Variants in RAD1 observed in about 807,000 individuals in gnomAD.
RAD1 encodes the protein RAD1 checkpoint DNA exonuclease.
In RAD1, 21 loss-of-function variants were observed where a neutral mutation model predicts 30.0. That is an observed-to-expected ratio of 0.70 (90% confidence interval 0.50 to 1.01). RAD1 has a LOEUF of 1.01. Ranked by LOEUF, RAD1 falls within the 50% of genes least tolerant of loss-of-function variation. The pLI is 0.00. For synonymous variants in RAD1, 109 were observed against 113.6 expected (o/e 0.96, Z 0.26); for missense variants, 329 against 329.0 (o/e 1.00, Z 0.00).
chr5:34,907,048 T>C lies in RAD1; in HGVS notation c.*1717A>G, dbSNP rs542099561. The C allele has an allele frequency of 6.6e-6, 1 of 152,210 alleles. No homozygotes were observed. The highest frequency in any genetic ancestry group is 1.5e-5 in the Non-Finnish European group (1 of 68,040). The allele number at this position is 152,210 out of a possible 1,614,324, so 9.4% of individuals were successfully genotyped here. The stretch of plus-strand genomic sequence containing the variant: ...ATTTTGTATGCTGAGATTGAGACAC[T>C]TACTAGTTATCAGGTGCTGACCCTG... On this transcript the variant is annotated 3_prime_UTR_variant, in exon 6 of 6. Coordinates refer to ENST00000382038, the MANE Select transcript of RAD1 (RefSeq NM_002853.4).
intron 4 of RAD1, among the ~76,000 whole-genome samples, chr5:34,911,247 T>C (rs1763829875): frequency 6.6e-6 from 1 of 152,122 alleles, no homozygotes; most frequent in African/African-American, 2.4e-5. Flanking sequence ...TTAAACCCAA[T>C]TTTCCTCATG....
In RAD1 at chr5:34,908,424, C is replaced by G. The variant is rs772498546; in HGVS notation, c.*341G>C. 1 of 161,466 alleles carries G rather than the reference C, an allele frequency of 6.2e-6. No homozygotes were observed. Among genetic ancestry groups the G allele is most frequent in the African/African-American group, 2.4e-5 (1 of 41,874 alleles). 10.0% of individuals were successfully genotyped at this position (161,466 alleles called of 1,614,324 possible). ...TCCTGACCTCAGGTGATCCGCCCAC[C>G]TCGGCTTCCCAAAGTGCTGGGATTA... is the stretch of plus-strand genomic sequence containing the variant. On this transcript the variant is annotated 3_prime_UTR_variant, in exon 6 of 6. Coordinates refer to ENST00000382038, the MANE Select transcript of RAD1 (RefSeq NM_002853.4).
At chr5:34,913,433 A>C in intron 3 of RAD1, 37 bp downstream of exon 3, 3 of 1,275,436 alleles carry the variant, frequency 2.4e-6, no homozygotes, top group Middle Eastern at 2.2e-4. Flanking sequence ...ACCACTATGT[A>C]TAACACTTTT....
intron 1 of RAD1, 108 bp downstream of exon 1, chr5:34,915,308 G>C: frequency 3.7e-6 from 1 of 273,424 alleles, no homozygotes; most frequent in Non-Finnish European, 7.0e-6. Context: ...GGGCGGGCCC[G>C]GAGTGTCCAG....
chr5:34,913,513 G>A lies in RAD1; in HGVS notation c.264C>T (p.Val88=). The A allele has an allele frequency of 6.2e-7, 1 of 1,603,632 alleles. No homozygotes were observed. Among genetic ancestry groups the A allele is most frequent in the Non-Finnish European group, 8.5e-7 (1 of 1,173,572 alleles). ...CAAAAATAGATAAACAGTCTAAAAG[G>A]ACAGTTAAATTAATTCGAAAAGTAA... is the stretch of plus-strand genomic sequence containing the variant. The part of the protein sequence containing the change: ...ESVTFRINLT[V]LLDCLSIFGS... Residue 88 remains valine, a synonymous_variant, in exon 3 of 6, where the codon GTC becomes GTT. Transcript: ENST00000382038.
Position 34,911,196 on chromosome 5 carries a change from C to T in RAD1, c.566+358G>A, listed in dbSNP as rs1763827819. ...CATCTTCTTCTGCATCCTGAACTAACTTGAAAAAGATACCATAATACAAAC... is the reference window on the plus strand; with the variant it reads ...CATCTTCTTCTGCATCCTGAACTAATTTGAAAAAGATACCATAATACAAAC... On this transcript the variant is annotated intron_variant, in intron 4 of 5. Coordinates refer to ENST00000382038, the MANE Select transcript of RAD1 (RefSeq NM_002853.4). 2.0e-5 allele frequency among the ~76,000 whole-genome samples: 3 copies of T among 152,330 alleles called. No individual in the cohort carries two copies. The South Asian group carries it at 6.2e-4, about 32-fold the overall frequency.
At position 34,915,470 on chromosome 5, in the gene RAD1, G is replaced by A. The variant is rs529235124; in HGVS notation, c.-124C>T. The A allele has an allele frequency of 6.8e-5, 27 of 395,544 alleles. No individual in the cohort carries two copies. The East Asian group carries it at 1.2e-3, about 18-fold the overall frequency. The allele number at this position is 395,544 out of a possible 1,614,324, so 24.5% of individuals were successfully genotyped here. Reference sequence around the variant, plus strand: ...CCCTTCTCAGCAAAGTCCCTGAAGAGGAGCGAGGCGGCTCCGAGGAACCGC... The same window carrying A: ...CCCTTCTCAGCAAAGTCCCTGAAGAAGAGCGAGGCGGCTCCGAGGAACCGC... On this transcript the variant is annotated 5_prime_UTR_variant, in exon 1 of 6. Coordinates refer to ENST00000382038, the MANE Select transcript of RAD1 (RefSeq NM_002853.4).
Position 34,907,455 on chromosome 5 carries a change from A to G in RAD1, c.*1310T>C, listed in dbSNP as rs757324921. The G allele has an allele frequency of 6.6e-6, 1 of 152,230 alleles. No homozygotes were observed. The highest frequency in any genetic ancestry group is 6.5e-5 in the Admixed American group (1 of 15,282). 9.4% of individuals were successfully genotyped at this position (152,230 alleles called of 1,614,324 possible). A position where few individuals can be genotyped will look rare whatever the true frequency, so the allele number is the denominator to read the frequency against. ...ACACTCAGCTGTTGTCACCTGGTAC[A>G]GTAACAAAGACAGAAGCTTCACTTT... On this transcript the variant is annotated 3_prime_UTR_variant, in exon 6 of 6. Coordinates refer to ENST00000382038, the MANE Select transcript of RAD1 (RefSeq NM_002853.4).
Position 34,914,838 on chromosome 5 carries a change from C to A in RAD1, c.55G>T (p.Ala19Ser), listed in dbSNP as rs373008790. 5.6e-6 allele frequency: 9 copies of A among 1,614,028 alleles called. No homozygotes were observed. The African/African-American group carries it at 1.2e-4, about 22-fold the overall frequency. ...QDEDDQYSLV[A>S]SLDNVRNLST... is the part of the protein sequence containing the mutation. ...AGATTCCTAACGTTGTCAAGGCTGG[C>A]CACAAGGCTGTACTGATCATCCTCG... is the stretch of plus-strand genomic sequence containing the variant. The change falls in exon 2 of 6, where the codon GCC becomes TCC. Residue 19 changes from alanine to serine, a missense_variant. Transcript: ENST00000382038.
At position 34,909,345 on chromosome 5, in the gene RAD1, AAAG is replaced by A; in HGVS notation, c.575_577del (p.Thr192_Phe193delinsIle). ...AAGGTGGGAACTTCCTGCATTTCCA[AAAG>A]TAGATAACCTATAGAAAATGATTAC... On this transcript the variant is annotated inframe_deletion, in exon 5 of 6. Coordinates refer to ENST00000382038, the MANE Select transcript of RAD1 (RefSeq NM_002853.4). 1 of 1,598,914 alleles carries A rather than the reference AAAG, an allele frequency of 6.3e-7. No homozygotes were observed. Among genetic ancestry groups the A allele is most frequent in the Non-Finnish European group, 8.6e-7 (1 of 1,166,588 alleles).
chr5:34,913,504 G>A lies in RAD1; in HGVS notation c.273C>T (p.Asp91=). 2.5e-6 allele frequency: 4 copies of A among 1,600,472 alleles called. No homozygotes were observed. Among genetic ancestry groups the A allele is most frequent in the Non-Finnish European group, 3.4e-6 (4 of 1,171,014 alleles). Residue 91 remains aspartate (D), a synonymous_variant, in exon 3 of 6, where the codon GAC becomes GAT. Coordinates refer to ENST00000382038, the MANE Select transcript of RAD1 (RefSeq NM_002853.4). Reference sequence around the variant, plus strand: ...GACTTGATCCAAAAATAGATAAACAGTCTAAAAGGACAGTTAAATTAATTC... The same window carrying A: ...GACTTGATCCAAAAATAGATAAACAATCTAAAAGGACAGTTAAATTAATTC... ...TFRINLTVLL[D]CLSIFGSSPM...
chr5:34,914,099 A>G, intron 2 of RAD1: 2 of 422,438 alleles, frequency 4.7e-6, no homozygotes, highest in Non-Finnish European at 9.8e-6. Context: ...TACGTGTTAA[A>G]AAACGCTTAG....
rs1472555267 is a variant in RAD1, at chr5:34,905,971, TTGAG to T, written c.*2790_*2793del. 6.6e-6 allele frequency: 1 copy of T among 152,172 alleles called. No individual in the cohort carries two copies. The highest frequency in any genetic ancestry group is 1.5e-5 in the Non-Finnish European group (1 of 68,028). The allele number at this position is 152,172 out of a possible 1,614,324, so 9.4% of individuals were successfully genotyped here. A position where few individuals can be genotyped will look rare whatever the true frequency, so the allele number is the denominator to read the frequency against. On this transcript the variant is annotated 3_prime_UTR_variant, in exon 6 of 6. Transcript: ENST00000382038. ...ATTTTTATTTTAATTTTTTTTGTTT[TTGAG>T]ACGGAGTCTTGCTCTGTCACCCAGG... is the stretch of plus-strand genomic sequence containing the variant.
rs1764032745 is a variant in RAD1, at chr5:34,915,448, T to C, written c.-102A>G. On this transcript the variant is annotated 5_prime_UTR_variant, in exon 1 of 6. Coordinates refer to ENST00000382038, the MANE Select transcript of RAD1 (RefSeq NM_002853.4). Reference sequence around the variant, plus strand: ...GTGGGGTCTGGACGCCCGAGAGCCCTTCTCAGCAAAGTCCCTGAAGAGGAG... The same window carrying C: ...GTGGGGTCTGGACGCCCGAGAGCCCCTCTCAGCAAAGTCCCTGAAGAGGAG... 2.9e-6 allele frequency: 1 copy of C among 339,516 alleles called. No homozygotes were observed. The highest frequency in any genetic ancestry group is 2.1e-5 in the African/African-American group (1 of 47,138). The allele number at this position is 339,516 out of a possible 1,614,324, so 21.0% of individuals were successfully genotyped here.
At position 34,907,891 on chromosome 5, in the gene RAD1, A is replaced by G. The variant is rs76523062; in HGVS notation, c.*874T>C. ...ATTAAATGCTATTAAAGAAAAAAAA[A>G]GTTTCCTTTAAAACAGTGGTTCCCA... On this transcript the variant is annotated 3_prime_UTR_variant, in exon 6 of 6. Coordinates refer to ENST00000382038, the MANE Select transcript of RAD1 (RefSeq NM_002853.4). 6.6e-6 allele frequency: 1 copy of G among 152,210 alleles called. No individual in the cohort carries two copies. The highest frequency in any genetic ancestry group is 1.9e-4 in the East Asian group (1 of 5,200). The allele number at this position is 152,210 out of a possible 1,614,324, so 9.4% of individuals were successfully genotyped here. A position where few individuals can be genotyped will look rare whatever the true frequency, so the allele number is the denominator to read the frequency against.
intron 4 of RAD1, among the ~76,000 whole-genome samples, chr5:34,910,704 A>C (rs2111938125): frequency 6.6e-6 from 1 of 152,356 alleles, no homozygotes; most frequent in South Asian, 2.1e-4. Context: ...CTGGGATTAC[A>C]GGTGTCTGCC....
intron 4 of RAD1, 83 bp downstream of exon 4, chr5:34,911,471 A>C (rs1265417387): frequency 6.7e-7 from 1 of 1,499,124 alleles, no homozygotes; most frequent in East Asian, 2.3e-5. Flanking sequence ...GTGGATAATA[A>C]AAATTTTGCA....
chr5:34,910,908 A>C (rs1207020348), intron 4 of RAD1, among the ~76,000 whole-genome samples: 1 of 152,246 alleles, frequency 6.6e-6, no homozygotes, highest in Non-Finnish European at 1.5e-5. Flanking sequence ...TAAACTATCA[A>C]GAACAGCTTT....
intron 2 of RAD1, 118 bp from the exon 3 acceptor site, chr5:34,913,696 T>G (rs1763925260): frequency 1.6e-6 from 1 of 636,412 alleles, no homozygotes. Flanking sequence ...CCCATGAGAA[T>G]AATTTCTGAT....
Sources: gnomAD v4.1 joint callset for allele counts (sites outside exome capture counted in the v4.1 genomes callset) on GRCh38, gnomAD v4.1.1 for gene constraint, MANE v1.5 for transcripts, NCBI Gene and HGNC (gene_info 2026-07-23, HGNC 2026-07-21) for gene names.